Variants in ATP10A observed in about 807,000 individuals in gnomAD.
ATP10A encodes the protein phospholipid-transporting ATPase VA.
A neutral mutation model predicts 147.8 loss-of-function variants in ATP10A; 111 were observed. The observed-to-expected ratio is 0.75, with a 90% CI of 0.64 to 0.88. The LOEUF (loss-of-function observed/expected upper bound fraction) is 0.88, where lower values mean the gene tolerates loss of function less well. Ranked by LOEUF, ATP10A falls within the 40% of genes least tolerant of loss-of-function variation. The pLI, the probability that ATP10A is intolerant of heterozygous loss-of-function variation, is 0.00. For missense variants in ATP10A, 1,927 were observed against 1,959.0 expected, an observed-to-expected ratio of 0.98 and a Z score of 0.31; for synonymous variants, 875 against 841.6, an observed-to-expected ratio of 1.04 and a Z score of -0.69.
intron 16 of ATP10A, 23 bp downstream of exon 16, chr15:25,687,680 C>T (rs1156699362): frequency 1.3e-6 from 2 of 1,501,638 alleles, no homozygotes; most frequent in Non-Finnish European, 1.8e-6. Flanking sequence ...TCCCAAAACT[C>T]TAGACAGGTA....
intron 1 of ATP10A, among the ~76,000 whole-genome samples, chr15:25,857,006 A>G (rs201285134): frequency 6.6e-6 from 1 of 152,242 alleles, no homozygotes; most frequent in Non-Finnish European, 1.5e-5. Flanking sequence ...GGGAAAATCT[A>G]TAGACTAAAA....
chr15:25,765,182 G>T (rs924296411), intron 2 of ATP10A, among the ~76,000 whole-genome samples: 1 of 152,114 alleles, frequency 6.6e-6, no homozygotes, highest in Non-Finnish European at 1.5e-5. Context: ...CGGGGCGGGG[G>T]TGTTGTGTCT....
rs903975540 is a variant in ATP10A, at chr15:25,718,522, C to G, written c.1364-123G>C. The G allele has an allele frequency of 7.1e-6, 7 of 984,234 alleles. No individual in the cohort carries two copies. In the African/African-American group the frequency reaches 1.1e-4, roughly 16 times the overall value. The allele number at this position is 984,234 out of a possible 1,614,324, so 61.0% of individuals were successfully genotyped here. A position where few individuals can be genotyped will look rare whatever the true frequency, so the allele number is the denominator to read the frequency against. On this transcript the variant is annotated intron_variant, in intron 7 of 20. Transcript: ENST00000555815. ...CAGGGCAGCCCCACAGGATTCACCA[C>G]CCTTGCTCTCTAATAGCAAGGCACG... is the stretch of plus-strand genomic sequence containing the variant.
At chr15:25,832,036 GTATCCT>G (rs762870400) in intron 1 of ATP10A, among the ~76,000 whole-genome samples, 1 of 152,078 alleles carries the variant, frequency 6.6e-6, no homozygotes, top group Non-Finnish European at 1.5e-5. Context: ...CCAATGACTG[GTATCCT>G]TATAAGCAGA....
At chr15:25,859,371 ACT>A (rs1893654783) in intron 1 of ATP10A, among the ~76,000 whole-genome samples, 1 of 152,202 alleles carries the variant, frequency 6.6e-6, no homozygotes, top group South Asian at 2.1e-4. Context: ...ACCAGGGCTC[ACT>A]GAGTGGCAGG....
rs1272455754 is a variant in ATP10A, at chr15:25,723,926, C to T, written c.1075G>A (p.Val359Ile). 3.7e-6 allele frequency: 6 copies of T among 1,608,860 alleles called. No homozygotes were observed. The highest frequency in any genetic ancestry group is 5.1e-6 in the Non-Finnish European group (6 of 1,178,366). The change falls in exon 6 of 21, where the codon GTT (valine) becomes ATT (isoleucine). Residue 359 changes from valine (V) to isoleucine (I), a missense_variant. By Grantham distance (29) the Val-to-Ile change is conservative (BLOSUM62 3). Coordinates refer to ENST00000555815, the MANE Select transcript of ATP10A (RefSeq NM_024490.4). ...GSSLSPVTAA[V>I]YSFLTMIIVL... ...ATTATCATTGTTAAAAATGAGTAAA[C>T]TGCAGCTGTGACTGGGGATAAGGAG...
chr15:25,729,246 G>A lies in ATP10A; in HGVS notation c.741-1980C>T, dbSNP rs539399996. On this transcript the variant is annotated intron_variant, in intron 3 of 20. Coordinates refer to ENST00000555815, the MANE Select transcript of ATP10A (RefSeq NM_024490.4). Reference sequence around the variant, plus strand: ...TCACGCCTGTAATCCCAGCACTTTGGGAGGCCAAGGCAGGCGGATCACTTG... The same window carrying A: ...TCACGCCTGTAATCCCAGCACTTTGAGAGGCCAAGGCAGGCGGATCACTTG... 2.3e-3 allele frequency among the ~76,000 whole-genome samples: 354 copies of A among 152,278 alleles called. 1 individual carries two copies. The highest frequency in any genetic ancestry group is 8.2e-3 in the African/African-American group (342 of 41,550).
intron 1 of ATP10A, among the ~76,000 whole-genome samples, chr15:25,811,485 C>A (rs988494842): frequency 2.0e-5 from 3 of 152,172 alleles, no homozygotes; most frequent in Non-Finnish European, 4.4e-5. Flanking sequence ...CCAATGACTT[C>A]CCCATGTGGA....
chr15:25,779,222 G>T (rs959623912), intron 2 of ATP10A, among the ~76,000 whole-genome samples: 1 of 152,164 alleles, frequency 6.6e-6, no homozygotes, highest in African/African-American at 2.4e-5. Context: ...TATCTGCGGC[G>T]TTCCCCTACC....
At chr15:25,728,327 A>C (rs1902712690) in intron 3 of ATP10A, among the ~76,000 whole-genome samples, 1 of 152,206 alleles carries the variant, frequency 6.6e-6, no homozygotes, top group Non-Finnish European at 1.5e-5. Context: ...TATTTTCCAC[A>C]AGTCAGTTAT....
intron 1 of ATP10A, among the ~76,000 whole-genome samples, chr15:25,783,608 A>G (rs182459848): frequency 6.6e-6 from 1 of 152,280 alleles, no homozygotes. Flanking sequence ...CCACCAAACC[A>G]GTTATGTACA....
rs760965680 is a variant in ATP10A, at chr15:25,694,889, C to T, written c.3018G>A (p.Ser1006=). Residue 1006 remains serine (S), a synonymous_variant, in exon 14 of 21, where the codon TCG becomes TCA. Coordinates refer to ENST00000555815, the MANE Select transcript of ATP10A (RefSeq NM_024490.4). ...KQCRSVLCCR[S]TPLQKSMVVK... ...CCACCATGCTCTTCTGCAGAGGCGT[C>T]GACCGACAGCAGAGGACGGAGCGGC... The T allele has an allele frequency of 1.9e-5, 31 of 1,614,016 alleles. No individual in the cohort carries two copies. Among genetic ancestry groups the T allele is most frequent in the Non-Finnish European group, 2.5e-5 (29 of 1,180,040 alleles).
chr15:25,704,844 C>T (rs1388923151), intron 12 of ATP10A, among the ~76,000 whole-genome samples: 1 of 152,134 alleles, frequency 6.6e-6, no homozygotes, highest in Non-Finnish European at 1.5e-5. Flanking sequence ...TCTTTACGAC[C>T]TGACCCTCTG....
chr15:25,718,298 T>C lies in ATP10A; in HGVS notation c.1465A>G (p.Ser489Gly). Residue 489 changes from serine to glycine, a missense_variant, in exon 8 of 21, where the codon AGT becomes GGT. Physicochemically the swap from Ser to Gly is moderately conservative, Grantham distance 56. Transcript: ENST00000555815. ...TGGGTTCTGTGCACCACCCGGACACTCTGGTGGCTGCCGATGCTGCCGCGC... is the reference window on the plus strand; with the variant it reads ...TGGGTTCTGTGCACCACCCGGACACCCTGGTGGCTGCCGATGCTGCCGCGC... ...SQRGSIGSHQ[S>G]VRVVHRTQST... The C allele has an allele frequency of 6.2e-7, 1 of 1,611,902 alleles. No homozygotes were observed.
At chr15:25,814,425 C>G (rs1231362967) in intron 1 of ATP10A, among the ~76,000 whole-genome samples, 2 of 152,188 alleles carry the variant, frequency 1.3e-5, no homozygotes, top group Non-Finnish European at 2.9e-5. Context: ...ACAAAATCTG[C>G]GTGTACACAA....
At chr15:25,700,652 G>C (rs1346398044) in intron 13 of ATP10A, among the ~76,000 whole-genome samples, 1 of 152,148 alleles carries the variant, frequency 6.6e-6, no homozygotes, top group Non-Finnish European at 1.5e-5. Context: ...GAACAGATTG[G>C]TGGCTTCCAG....
intron 1 of ATP10A, among the ~76,000 whole-genome samples, chr15:25,811,664 C>T (rs1001087298): frequency 6.6e-6 from 1 of 152,162 alleles, no homozygotes; most frequent in Non-Finnish European, 1.5e-5. Context: ...TGAAAAACCA[C>T]TTGTGAGATT....
At chr15:25,700,320 A>G (rs1363495739) in intron 13 of ATP10A, among the ~76,000 whole-genome samples, 3 of 152,234 alleles carry the variant, frequency 2.0e-5, no homozygotes, top group Non-Finnish European at 2.9e-5. Flanking sequence ...AAACTTAGAC[A>G]CATTCACATC....
intron 2 of ATP10A, among the ~76,000 whole-genome samples, chr15:25,745,352 CAAA>C (rs1046977545): frequency 8.4e-6 from 1 of 118,564 alleles, no homozygotes. Context: ...GAATCCGTCT[CAAA>C]AAAAAAAAAG....
Sources: allele counts gnomAD v4.1 joint callset (sites outside exome capture counted in the v4.1 genomes callset), GRCh38; gene constraint gnomAD v4.1.1; transcripts MANE v1.5; gene names NCBI Gene and HGNC (gene_info 2026-07-23, HGNC 2026-07-21).